Variants in CEP131 observed in about 807,000 individuals in gnomAD.
CEP131 encodes centrosomal protein 131.
CEP131 carries 99 observed loss-of-function variants against 136.8 expected under a neutral mutation model. The ratio of observed to expected loss-of-function variants is 0.72; its 90% CI spans 0.62 to 0.86. The LOEUF (loss-of-function observed/expected upper bound fraction) is 0.86. CEP131 is among the 40% of genes least tolerant of loss of function. The pLI is 0.00. For missense variants in CEP131, 1,459 were observed against 1,463.0 expected, an observed-to-expected ratio of 1.00 and a Z score of 0.04; for synonymous variants, 646 against 612.7, an observed-to-expected ratio of 1.05 and a Z score of -0.80.
Position 81,213,558 on chromosome 17 carries a change from C to CAAAA in CEP131, c.178-4540_178-4537dup, listed in dbSNP as rs35729341. On this transcript the variant is annotated intron_variant, in intron 2 of 25. Coordinates refer to ENST00000450824, the MANE Select transcript of CEP131 (RefSeq NM_014984.4). ...TGGGCGACAGCGTGAGACACTGTCT[C>CAAAA]AAAAAAAAAAAAAAATTATAAATGA... Among the ~76,000 whole-genome samples, 643 of 137,882 alleles carry CAAAA rather than the reference C, an allele frequency of 4.7e-3. 7 individuals carry two copies. Among genetic ancestry groups the CAAAA allele is most frequent in the African/African-American group, 0.016 (602 of 37,918 alleles). 90.5% of individuals were successfully genotyped at this position (137,882 alleles called of 152,430 possible). A position where few individuals can be genotyped will look rare whatever the true frequency, so the allele number is the denominator to read the frequency against.
chr17:81,198,856 G>A (rs1487183773), intron 11 of CEP131, 21 bp downstream of exon 11: 1 of 1,561,186 alleles, frequency 6.4e-7, no homozygotes, highest in African/African-American at 1.4e-5. Context: ...ATGATGGAGT[G>A]AAGGACAGCT....
At chr17:81,204,493 TC>T (rs1306807771) in intron 5 of CEP131, among the ~76,000 whole-genome samples, 1 of 152,120 alleles carries the variant, frequency 6.6e-6, no homozygotes, top group Non-Finnish European at 1.5e-5. Context: ...TGCCTTGCTC[TC>T]TGCACCAGTG....
rs1277740469 is a variant in CEP131, at chr17:81,199,463, C to T, written c.1110G>A (p.Val370=). The T allele has an allele frequency of 6.2e-7, 1 of 1,608,992 alleles. No individual in the cohort carries two copies. The highest frequency in any genetic ancestry group is 8.5e-7 in the Non-Finnish European group (1 of 1,178,478). The part of the protein sequence containing the change: ...GPPENPRETR[V]PGMRQPAQEL... ...CCTGAGCAGGCTGCCGCATTCCTGGCACTCTGGTCTCCCTGGGATTCTCAG... is the reference window on the plus strand; with the variant it reads ...CCTGAGCAGGCTGCCGCATTCCTGGTACTCTGGTCTCCCTGGGATTCTCAG... Residue 370 remains valine, a synonymous_variant, in exon 10 of 26, where the codon GTG becomes GTA. Transcript: ENST00000450824.
chr17:81,197,461 TG>T, intron 13 of CEP131: 1 of 573,682 alleles, frequency 1.7e-6, no homozygotes, highest in Non-Finnish European at 3.0e-6. Flanking sequence ...AGCGGGTAGG[TG>T]GGGGCAGTAT....
At position 81,196,719 on chromosome 17, in the gene CEP131, G is replaced by A. The variant is rs1369624689; in HGVS notation, c.1881C>T (p.His627=). ...REHYEATIQR[H]LAFIDQLIED... ...CGCTCACCTGGTCAATGAAGGCCAA[G>A]TGCCGCTGGATGGTGGCCTCGTAGT... Residue 627 remains histidine (H), a synonymous_variant, in exon 15 of 26, where the codon CAC becomes CAT. Transcript: ENST00000450824. 1.9e-6 allele frequency: 3 copies of A among 1,605,620 alleles called. No homozygotes were observed. The highest frequency in any genetic ancestry group is 2.5e-6 in the Non-Finnish European group (3 of 1,178,456).
At chr17:81,196,654 T>A in intron 15 of CEP131, 47 bp downstream of exon 15, 1 of 1,573,068 alleles carries the variant, frequency 6.4e-7, no homozygotes, top group Non-Finnish European at 8.6e-7. Flanking sequence ...GAAGTCTCCA[T>A]GAGCCACGCG....
chr17:81,197,141 C>T (rs1170587964), intron 13 of CEP131, 86 bp from the exon 14 acceptor site: 1 of 1,480,734 alleles, frequency 6.8e-7, no homozygotes, highest in African/African-American at 1.4e-5. Flanking sequence ...CGGCCCTGCC[C>T]TCTGGGGACA....
intron 13 of CEP131, chr17:81,197,403 G>A (rs1205004442): frequency 3.2e-5 from 17 of 529,348 alleles, no homozygotes; most frequent in Non-Finnish European, 5.3e-5. Flanking sequence ...CAGGGCTCCA[G>A]AGGGCTGAAC....
Position 81,215,540 on chromosome 17 carries a change from T to C in CEP131, c.177+4340A>G, listed in dbSNP as rs558851738. Among the ~76,000 whole-genome samples the C allele has an allele frequency of 1.8e-3, 268 of 152,322 alleles. No homozygotes were observed. Among genetic ancestry groups the C allele is most frequent in the Non-Finnish European group, 3.1e-3 (209 of 68,034 alleles). On this transcript the variant is annotated intron_variant, in intron 2 of 25. Coordinates refer to ENST00000450824, the MANE Select transcript of CEP131 (RefSeq NM_014984.4). This position sits in a 1 kb window ranked among gnomAD's most constrained non-coding sequence, Gnocchi z 4.1. ...AGTTCTCCTGCCTTAGCTTCCTGTG[T>C]AGCTGGCATTACAGGTGCCTGCCAC...
intron 5 of CEP131, among the ~76,000 whole-genome samples, chr17:81,205,400 GCAGTGGGT>G: frequency 9.4e-6 from 1 of 106,090 alleles, no homozygotes; most frequent in African/African-American, 4.0e-5. Context: ...GGGCAGCGGG[GCAGTGGGT>G]GGGGGGTAGG....
At position 81,195,847 on chromosome 17, in the gene CEP131, C is replaced by T. The variant is rs367990055; in HGVS notation, c.2004G>A (p.Ala668=). ...AGCAAAGCCTCACCAGCTCGTGCTGCGCCTGTGCCTGGGCCACACGCTCGG... is the reference window on the plus strand; with the variant it reads ...AGCAAAGCCTCACCAGCTCGTGCTGTGCCTGTGCCTGGGCCACACGCTCGG... ...RCTERVAQAQ[A]QHELEIKKLK... Residue 668 remains alanine (A), a synonymous_variant, in exon 16 of 26, where the codon GCG becomes GCA. Transcript: ENST00000450824. 3.5e-5 allele frequency: 56 copies of T among 1,604,736 alleles called. No homozygotes were observed. The African/African-American group carries it at 6.1e-4, about 18-fold the overall frequency.
intron 2 of CEP131, among the ~76,000 whole-genome samples, chr17:81,211,933 T>TGAA (rs1555614774): frequency 1.0e-5 from 1 of 100,034 alleles, no homozygotes; most frequent in Non-Finnish European, 2.0e-5. Context: ...ACCCTGTCTC[T>TGAA]GAAAAAAAAA....
Position 81,195,866 on chromosome 17 carries a change from C to G in CEP131, c.1985G>C (p.Arg662Pro). The change falls in exon 16 of 26, where the codon CGT becomes CCT. Residue 662 changes from arginine to proline, a missense_variant. This residue lies in a region of CEP131 where 1,026 missense variants were observed against 964.2 expected (regional missense o/e 1.06). Transcript: ENST00000450824. ...LKQEDQRCTERVAQAQAQHEL... is the reference protein window; with the variant it reads ...LKQEDQRCTEPVAQAQAQHEL... ...GTGCTGCGCCTGTGCCTGGGCCACA[C>G]GCTCGGTGCATCTCTGGTCCTCCTG... 1 of 1,607,524 alleles carries G rather than the reference C, an allele frequency of 6.2e-7. No homozygotes were observed. The highest frequency in any genetic ancestry group is 8.5e-7 in the Non-Finnish European group (1 of 1,179,900).
At position 81,196,962 on chromosome 17, in the gene CEP131, T is replaced by G. The variant is rs146237979; in HGVS notation, c.1741A>C (p.Lys581Gln). ...CTCTGCAGCAGCAGCATGGCCTGCT[T>G]CTTCTCCTCCACCTCCAGCTTCAGC... ...MRLKLEVEEK[K>Q]QAMLLLQRAL... Residue 581 changes from lysine (K) to glutamine (Q), a missense_variant, in exon 14 of 26, where the codon AAG becomes CAG. Around this residue, in one of 3 missense-constraint regions of CEP131, gnomAD observed 1,026 missense variants for 964.2 expected, o/e 1.06. Coordinates refer to ENST00000450824, the MANE Select transcript of CEP131 (RefSeq NM_014984.4). 2.7e-4 allele frequency: 442 copies of G among 1,608,794 alleles called. 1 individual carries two copies. The highest frequency in any genetic ancestry group is 4.9e-4 in the Admixed American group (29 of 59,636).
intron 2 of CEP131, among the ~76,000 whole-genome samples, chr17:81,218,328 C>T (rs1215822846): frequency 1.3e-5 from 2 of 152,250 alleles, no homozygotes; most frequent in Non-Finnish European, 2.9e-5. Flanking sequence ...CGGGCGTGAG[C>T]CACCTCGCCC....
intron 2 of CEP131, among the ~76,000 whole-genome samples, chr17:81,210,676 C>A (rs184571730): frequency 1.3e-5 from 2 of 152,260 alleles, no homozygotes; most frequent in South Asian, 2.1e-4. Context: ...GATGCCACGG[C>A]GACCAGTGAT....
intron 2 of CEP131, among the ~76,000 whole-genome samples, chr17:81,212,755 T>A (rs1158460078): frequency 1.3e-5 from 2 of 151,974 alleles, no homozygotes; most frequent in Admixed American, 6.6e-5. Context: ...GAGGGGAGGT[T>A]ACAATCAGCA....
intron 19 of CEP131, 51 bp downstream of exon 19, chr17:81,192,685 G>GGGGGGGCGCCCC: frequency 2.1e-6 from 1 of 478,438 alleles, no homozygotes; most frequent in Non-Finnish European, 4.1e-6. Context: ...GGGGGGAGGG[G>GGGGGGGCGCCCC]TCAGCCAGCG....
chr17:81,219,644 A>G lies in CEP131; in HGVS notation c.177+236T>C, dbSNP rs1045978029. ...AAACAAATCCAAAGGGCGGTGGCAC[A>G]GGAGGCCTGGGGCTGTTGCTGAAAG... On this transcript the variant is annotated intron_variant, in intron 2 of 25. Coordinates refer to ENST00000450824, the MANE Select transcript of CEP131 (RefSeq NM_014984.4). The surrounding 1 kb of genome is among the most constrained non-coding windows in gnomAD (Gnocchi z 4.0). Among the ~76,000 whole-genome samples, 2 of 152,138 alleles carry G rather than the reference A, an allele frequency of 1.3e-5. No homozygotes were observed. Among genetic ancestry groups the G allele is most frequent in the Non-Finnish European group, 2.9e-5 (2 of 68,026 alleles).
Sources: allele counts gnomAD v4.1 joint callset (sites outside exome capture counted in the v4.1 genomes callset), GRCh38; gene constraint gnomAD v4.1.1; regional missense constraint gnomAD v4.1.1; non-coding constraint Gnocchi (gnomAD v3.1); transcripts MANE v1.5; gene names NCBI Gene and HGNC (gene_info 2026-07-23, HGNC 2026-07-21).